BATF3: variants seen among roughly 807,000 people sequenced by gnomAD.
BATF3 encodes the protein basic leucine zipper ATF-like transcription factor 3.
In BATF3, 8 loss-of-function variants were observed where a neutral mutation model predicts 16.1. The observed-to-expected ratio is 0.50, with a 90% CI of 0.29 to 0.90. The LOEUF (loss-of-function observed/expected upper bound fraction) is 0.90. Among genes scored for constraint, BATF3 ranks in the 40% least tolerant of loss-of-function variants. The pLI is 0.08. For synonymous variants in BATF3, 74 were observed against 72.7 expected (o/e 1.02, Z -0.09); for missense variants, 139 against 167.0 (o/e 0.83, Z 0.92).
chr1:212,697,219 C>T, intron 1 of BATF3, 154 bp from the exon 2 acceptor site: 1 of 619,240 alleles, frequency 1.6e-6, no homozygotes. Flanking sequence ...CACAACAGCC[C>T]CTTGCCCAGG....
Position 212,699,787 on chromosome 1 carries a change from C to A in BATF3, c.-25G>T, listed in dbSNP as rs1372718471. 6.0e-6 allele frequency: 7 copies of A among 1,166,280 alleles called. No homozygotes were observed. The highest frequency in any genetic ancestry group is 7.4e-6 in the Non-Finnish European group (7 of 945,312). 72.2% of individuals were successfully genotyped at this position (1,166,280 alleles called of 1,614,324 possible). On this transcript the variant is annotated 5_prime_UTR_variant, in exon 1 of 3. Coordinates refer to ENST00000243440, the MANE Select transcript of BATF3 (RefSeq NM_018664.3). The surrounding 1 kb of genome is among the most constrained non-coding windows in gnomAD (Gnocchi z 4.4). The stretch of plus-strand genomic sequence containing the variant: ...TGCCGGGCGCTCCTCTGGCCCGGCC[C>A]GCCCCGCCCCGCCCGCGCGCCCTGC...
Position 212,686,808 on chromosome 1 carries a change from C to G in BATF3, c.367G>C (p.Gly123Arg), listed in dbSNP as rs753545612. 8.1e-6 allele frequency: 13 copies of G among 1,612,294 alleles called. No individual in the cohort carries two copies. Among genetic ancestry groups the G allele is most frequent in the Non-Finnish European group, 1.1e-5 (13 of 1,178,998 alleles). Reference protein sequence around the residue: ...PVPPRPDPVAGCLPR With the variant: ...PVPPRPDPVARCLPR ...CCCCGGCTTCATCGGGGCAAGCAGC[C>G]GGCCACAGGGTCCGGCCGGGGAGGC... is the stretch of plus-strand genomic sequence containing the variant. Residue 123 changes from glycine to arginine, a missense_variant, in exon 3 of 3, where the codon GGC becomes CGC. Physicochemically the swap from Gly to Arg is moderately radical, Grantham distance 125. Transcript: ENST00000243440.
intron 1 of BATF3, chr1:212,698,288 T>G (rs61609997): frequency 0.22 from 32,938 of 152,232 alleles, 3,644 homozygotes; most frequent in Middle Eastern, 0.27. Context: ...TAGTTTTGTC[T>G]CTTAGTGTCA....
intron 2 of BATF3, among the ~76,000 whole-genome samples, chr1:212,693,021 G>C (rs1214922812): frequency 6.6e-6 from 1 of 152,216 alleles, no homozygotes; most frequent in African/African-American, 2.4e-5. Context: ...CCCCACCCTA[G>C]ATTGGCCTGG....
At chr1:212,696,832 G>A (rs997389711) in intron 2 of BATF3, 129 bp downstream of exon 2, 1 of 713,228 alleles carries the variant, frequency 1.4e-6, no homozygotes, top group African/African-American at 1.8e-5. Flanking sequence ...CACTGGGCTG[G>A]AAGGACCTGG....
At chr1:212,697,229 G>A in intron 1 of BATF3, 164 bp from the exon 2 acceptor site, 1 of 602,254 alleles carries the variant, frequency 1.7e-6, no homozygotes, top group Non-Finnish European at 3.0e-6. Flanking sequence ...CCTTGCCCAG[G>A]AGCACTCACC....
intron 2 of BATF3, among the ~76,000 whole-genome samples, chr1:212,695,509 A>AC (rs1657105742): frequency 6.6e-6 from 1 of 150,674 alleles, no homozygotes; most frequent in African/African-American, 2.4e-5. Context: ...AAAAAAAAAA[A>AC]AAAAAAAACC....
At position 212,689,109 on chromosome 1, in the gene BATF3, T is replaced by G. The variant is rs1379110285; in HGVS notation, c.196-2130A>C. 1.3e-5 allele frequency among the ~76,000 whole-genome samples: 2 copies of G among 152,168 alleles called. No homozygotes were observed. Among genetic ancestry groups the G allele is most frequent in the African/African-American group, 4.8e-5 (2 of 41,422 alleles). On this transcript the variant is annotated intron_variant, in intron 2 of 2. Coordinates refer to ENST00000243440, the MANE Select transcript of BATF3 (RefSeq NM_018664.3). This position sits in a 1 kb window ranked among gnomAD's most constrained non-coding sequence, Gnocchi z 4.6. ...TTTTATTATGTGTTCTATTCTATTT[T>G]GTATCATATTCAATTTCACTCATAT...
chr1:212,694,839 A>G (rs1370649405), intron 2 of BATF3, among the ~76,000 whole-genome samples: 1 of 152,240 alleles, frequency 6.6e-6, no homozygotes, highest in African/African-American at 2.4e-5. Flanking sequence ...TAGAGACCTC[A>G]GTCTCTTTCT....
intron 1 of BATF3, 26 bp from the exon 2 acceptor site, chr1:212,697,091 G>A: frequency 6.3e-7 from 1 of 1,584,144 alleles, no homozygotes; most frequent in Non-Finnish European, 8.7e-7. Context: ...GGGTGGGTGT[G>A]ATGTCGTGGC....
rs571024056 is a variant in BATF3, at chr1:212,689,820, C to T, written c.196-2841G>A. Reference sequence around the variant, plus strand: ...TCTCATACACAGCCCGACACACACACTCTCACACACACACACTCATACACA... The same window carrying T: ...TCTCATACACAGCCCGACACACACATTCTCACACACACACACTCATACACA... On this transcript the variant is annotated intron_variant, in intron 2 of 2. Transcript: ENST00000243440. This position sits in a 1 kb window ranked among gnomAD's most constrained non-coding sequence, Gnocchi z 4.6. 8.7e-5 allele frequency among the ~76,000 whole-genome samples: 13 copies of T among 149,304 alleles called. No individual in the cohort carries two copies. Among genetic ancestry groups the T allele is most frequent in the Non-Finnish European group, 1.9e-4 (13 of 67,888 alleles).
chr1:212,687,151 C>G (rs950145535), intron 2 of BATF3, among the ~76,000 whole-genome samples, 172 bp from the exon 3 acceptor site: 1 of 152,182 alleles, frequency 6.6e-6, no homozygotes, highest in African/African-American at 2.4e-5. Context: ...CCCCCTCCCA[C>G]TGGGAGAAAC....
At chr1:212,694,390 C>T (rs893257678) in intron 2 of BATF3, among the ~76,000 whole-genome samples, 9 of 152,006 alleles carry the variant, frequency 5.9e-5, no homozygotes, top group African/African-American at 1.9e-4. Flanking sequence ...GGCTTCCCAC[C>T]GACAGGCAAG....
At chr1:212,698,561 A>G (rs1156684443) in intron 1 of BATF3, 1 of 151,938 alleles carries the variant, frequency 6.6e-6, no homozygotes, top group African/African-American at 2.4e-5. Flanking sequence ...TGCCCTCAAG[A>G]AGTTACCTGC....
At chr1:212,694,010 G>A (rs961246316) in intron 2 of BATF3, among the ~76,000 whole-genome samples, 4 of 152,176 alleles carry the variant, frequency 2.6e-5, no homozygotes, top group Non-Finnish European at 2.9e-5. Context: ...CAGACCCAAC[G>A]CAATCATAAG....
intron 2 of BATF3, among the ~76,000 whole-genome samples, chr1:212,694,645 T>A (rs1012003830): frequency 6.6e-6 from 1 of 152,244 alleles, no homozygotes; most frequent in Non-Finnish European, 1.5e-5. Context: ...GTGGTCTGAA[T>A]ACAGGGCCAT....
At chr1:212,692,569 T>G (rs1256459760) in intron 2 of BATF3, among the ~76,000 whole-genome samples, 1 of 151,986 alleles carries the variant, frequency 6.6e-6, no homozygotes, top group East Asian at 1.9e-4. Context: ...TCCCGAGTAG[T>G]TGGAACTACA....
rs1389497528 is a variant in BATF3 at position 212,699,500 on chromosome 1, T to A, written c.90+173A>T. On this transcript the variant is annotated intron_variant, in intron 1 of 2. Transcript: ENST00000243440. The surrounding 1 kb of genome is among the most constrained non-coding windows in gnomAD (Gnocchi z 4.4). The stretch of plus-strand genomic sequence containing the variant: ...CTGTGCGCACGACAGGGTCCCTGGA[T>A]CGCCCCCATTCCCCAACATCCCTAC... Among the ~76,000 whole-genome samples, 1 of 151,878 alleles carries A rather than the reference T, an allele frequency of 6.6e-6. No individual in the cohort carries two copies. Among genetic ancestry groups the A allele is most frequent in the East Asian group, 1.9e-4 (1 of 5,140 alleles).
chr1:212,692,790 G>T lies in BATF3; in HGVS notation c.195+4171C>A, dbSNP rs553200681. Among the ~76,000 whole-genome samples, 4 of 152,332 alleles carry T rather than the reference G, an allele frequency of 2.6e-5. 1 individual carries two copies. The highest frequency in any genetic ancestry group is 1.3e-4 in the Admixed American group (2 of 15,304). ...CTCCAAATATCCCCCCTCAGGATATGCAAGAAATGCAAGTAAAGAGCTTGA... is the reference window on the plus strand; with the variant it reads ...CTCCAAATATCCCCCCTCAGGATATTCAAGAAATGCAAGTAAAGAGCTTGA... On this transcript the variant is annotated intron_variant, in intron 2 of 2. Coordinates refer to ENST00000243440, the MANE Select transcript of BATF3 (RefSeq NM_018664.3).
Sources: allele counts gnomAD v4.1 joint callset (sites outside exome capture counted in the v4.1 genomes callset), GRCh38; gene constraint gnomAD v4.1.1; non-coding constraint Gnocchi (gnomAD v3.1); transcripts MANE v1.5; gene names NCBI Gene and HGNC (gene_info 2026-07-23, HGNC 2026-07-21).